Variants in PISD observed in about 807,000 individuals in gnomAD.
The protein encoded by PISD is phosphatidylserine decarboxylase proenzyme, mitochondrial.
In PISD, 31 loss-of-function variants were observed where a neutral mutation model predicts 43.5. That is an observed-to-expected ratio of 0.71 (90% CI 0.54 to 0.96). The LOEUF (loss-of-function observed/expected upper bound fraction) is 0.96. Among genes scored for constraint, PISD ranks in the 40% least tolerant of loss-of-function variants. The probability of loss-of-function intolerance (pLI) is 0.00; values close to 1 mark genes in which losing one functional copy is unlikely to be tolerated. For synonymous variants in PISD, 259 were observed against 228.7 expected, an observed-to-expected ratio of 1.13 and a Z score of -1.20; for missense variants, 523 against 548.4, an observed-to-expected ratio of 0.95 and a Z score of 0.46.
rs536745286 is a variant in PISD at position 31,629,017 on chromosome 22, AG to A, written c.322-7133del. On this transcript the variant is annotated intron_variant, in intron 3 of 7. Transcript: ENST00000439502. ...GAAACAATGGCTGATAGGACCGTAT[AG>A]GGGGTAGGGGAACACCTTTGTCAGG... is the stretch of plus-strand genomic sequence containing the variant. 426 of 985,436 alleles carry A rather than the reference AG, an allele frequency of 4.3e-4. 1 individual carries two copies. Among genetic ancestry groups the A allele is most frequent in the Non-Finnish European group, 1.3e-4 (105 of 829,958 alleles). The allele number at this position is 985,436 out of a possible 1,614,324, so 61.0% of individuals were successfully genotyped here.
chr22:31,638,665 T>G, intron 3 of PISD: 1 of 980,698 alleles, frequency 1.0e-6, no homozygotes, highest in Non-Finnish European at 1.2e-6. Context: ...TGGTTTTTTC[T>G]TTGTAGAGGC....
intron 3 of PISD, among the ~76,000 whole-genome samples, chr22:31,635,355 T>G (rs539587572): frequency 6.6e-6 from 1 of 151,768 alleles, no homozygotes; most frequent in Non-Finnish European, 1.5e-5. Context: ...CAGGCTGGAG[T>G]GCAGTGGAAT....
chr22:31,620,112 C>T lies in PISD; in HGVS notation c.1006-276G>A, dbSNP rs73881395. ...TGCATGGTGCTGGGAGAGCAGCACC[C>T]GTGGGAGCCAAGGCCGTTGGTCACA... On this transcript the variant is annotated intron_variant, in intron 7 of 7. Coordinates refer to ENST00000439502, the MANE Select transcript of PISD (RefSeq NM_001326411.2). 0.012 allele frequency among the ~76,000 whole-genome samples: 1,754 copies of T among 152,286 alleles called. 34 individuals carry two copies. Among genetic ancestry groups the T allele is most frequent in the African/African-American group, 0.039 (1,633 of 41,548 alleles).
In PISD at chr22:31,620,582, C is replaced by T. The variant is rs747809556; in HGVS notation, c.976G>A (p.Val326Met). Residue 326 changes from valine (V) to methionine (M), a missense_variant, in exon 7 of 8, where the codon GTG becomes ATG. Transcript: ENST00000439502. ...TCAAAGTAGATGCGAATGGAGCCCA[C>T]GTTGGTGGCCCCCACAGCTGTCAGT... ...FSLTAVGATN[V>M]GSIRIYFDRD... 5 of 1,614,104 alleles carry T rather than the reference C, an allele frequency of 3.1e-6. No homozygotes were observed. The highest frequency in any genetic ancestry group is 1.3e-5 in the African/African-American group (1 of 74,940).
intron 3 of PISD, among the ~76,000 whole-genome samples, chr22:31,640,746 A>G (rs1007468025): frequency 1.3e-5 from 2 of 148,674 alleles, no homozygotes; most frequent in African/African-American, 2.5e-5. Flanking sequence ...ACGCCTGGCT[A>G]ATTTTTGTAT....
chr22:31,619,916 C>T, intron 7 of PISD, 80 bp from the exon 8 acceptor site: 2 of 919,252 alleles, frequency 2.2e-6, no homozygotes, highest in Non-Finnish European at 3.3e-6. Flanking sequence ...TGGAGTCCCA[C>T]TCCCTCTGTT....
intron 1 of PISD, among the ~76,000 whole-genome samples, chr22:31,656,657 T>TAAATAAATAAAC (rs2074187076): frequency 7.3e-6 from 1 of 136,870 alleles, no homozygotes; most frequent in South Asian, 2.2e-4. Flanking sequence ...CAAAAATAAA[T>TAAATAAATAAAC]AAATAAATAA....
intron 3 of PISD, chr22:31,623,908 G>C: frequency 6.6e-7 from 1 of 1,516,894 alleles, no homozygotes; most frequent in Non-Finnish European, 9.0e-7. Flanking sequence ...GCAGGACCCA[G>C]GAGGCTGCCA....
chr22:31,662,250 C>G, upstream of PISD: 1 of 1,583,692 alleles, frequency 6.3e-7, no homozygotes, highest in African/African-American at 1.3e-5. Context: ...CCTTCACACG[C>G]TGGGCGCACG....
rs1006138025 is a variant in PISD, at chr22:31,621,217, A to G, written c.698-75T>C. ...CACGGAGCCCGAGTGTGGTCTGCAC[A>G]TGGATTCTCAGGGAGGCCCCACATG... On this transcript the variant is annotated intron_variant, in intron 5 of 7. Transcript: ENST00000439502. 1.9e-6 allele frequency: 3 copies of G among 1,611,254 alleles called. No individual in the cohort carries two copies. The African/African-American group carries it at 4.0e-5, about 21-fold the overall frequency.
intron 3 of PISD, chr22:31,625,590 G>A (rs535299056): frequency 8.3e-6 from 6 of 722,676 alleles, no homozygotes; most frequent in Middle Eastern, 3.6e-4. Context: ...CCTGAAGCGG[G>A]CTCTCCGACT....
chr22:31,638,757 G>A, intron 3 of PISD: 1 of 239,222 alleles, frequency 4.2e-6, no homozygotes, highest in Non-Finnish European at 6.8e-6. Context: ...AGGCAGCTGG[G>A]ACCAGAGGCA....
chr22:31,633,669 C>T (rs920017759), intron 3 of PISD, among the ~76,000 whole-genome samples: 1 of 152,016 alleles, frequency 6.6e-6, no homozygotes, highest in Non-Finnish European at 1.5e-5. Context: ...GAGCCGAGAT[C>T]GTACCATAGC....
chr22:31,658,749 T>A (rs1328034877), intron 1 of PISD, among the ~76,000 whole-genome samples: 1 of 152,004 alleles, frequency 6.6e-6, no homozygotes, highest in Non-Finnish European at 1.5e-5. Flanking sequence ...CTCAGGTTGG[T>A]CTCGAACTCT....
chr22:31,641,919 T>C lies in PISD; in HGVS notation c.321+6182A>G, dbSNP rs1053023717. ...GACTGCAGGAACATGAAACCTTGGA[T>C]AAGGGGGAAACACTCCGATTGTTTT... On this transcript the variant is annotated intron_variant, in intron 3 of 7. Coordinates refer to ENST00000439502, the MANE Select transcript of PISD (RefSeq NM_001326411.2). Among the ~76,000 whole-genome samples, 50 of 151,298 alleles carry C rather than the reference T, an allele frequency of 3.3e-4. 1 individual carries two copies. Among genetic ancestry groups the C allele is most frequent in the Middle Eastern group, 3.4e-3 (1 of 294 alleles).
intron 6 of PISD, 94 bp downstream of exon 6, chr22:31,620,902 C>G (rs1303325781): frequency 6.9e-7 from 1 of 1,456,914 alleles, no homozygotes; most frequent in Non-Finnish European, 9.2e-7. Context: ...CTCAATGACC[C>G]TGATCTGGAG....
chr22:31,634,757 G>A (rs2073355227), intron 3 of PISD, among the ~76,000 whole-genome samples: 1 of 135,482 alleles, frequency 7.4e-6, no homozygotes, highest in South Asian at 2.4e-4. Context: ...AGAATCGCTT[G>A]AACCTAGGAA....
intron 2 of PISD, among the ~76,000 whole-genome samples, chr22:31,649,681 C>T (rs2073982990): frequency 6.6e-6 from 1 of 151,578 alleles, no homozygotes; most frequent in Admixed American, 6.6e-5. Flanking sequence ...TGCAGTGAGC[C>T]GAGATCCCAC....
chr22:31,661,354 T>C (rs1446474181), intron 1 of PISD, among the ~76,000 whole-genome samples: 3 of 151,908 alleles, frequency 2.0e-5, no homozygotes, highest in Non-Finnish European at 2.9e-5. Flanking sequence ...ATCTTAGCTC[T>C]TTGAAATGAC....
Sources: allele counts gnomAD v4.1 joint callset (sites outside exome capture counted in the v4.1 genomes callset), GRCh38; gene constraint gnomAD v4.1.1; transcripts MANE v1.5; gene names NCBI Gene and HGNC (gene_info 2026-07-23, HGNC 2026-07-21).